Variants in KDM5A observed in about 807,000 individuals in gnomAD.
The protein encoded by KDM5A is lysine-specific demethylase 5A.
In KDM5A, 42 loss-of-function variants were observed where a neutral mutation model predicts 193.5. That is an observed-to-expected ratio of 0.22 (90% confidence interval 0.17 to 0.28). The LOEUF is 0.28. KDM5A is among the 10% of genes least tolerant of loss of function. The pLI, the probability that KDM5A is intolerant of heterozygous loss-of-function variation, is 1.00. For synonymous variants in KDM5A, 796 were observed against 718.1 expected (o/e 1.11, Z -1.73); for missense variants, 1,692 against 2,055.1 (o/e 0.82, Z 3.42).
At chr12:352,181 C>T (rs774146939) in intron 9 of KDM5A, 24 bp downstream of exon 9, 4 of 1,603,540 alleles carry the variant, frequency 2.5e-6, no homozygotes, top group South Asian at 1.1e-5. Context: ...CTCCCCGGAC[C>T]GACCTAAAAG....
chr12:360,661 T>C (rs1428507241), intron 5 of KDM5A, among the ~76,000 whole-genome samples: 1 of 152,202 alleles, frequency 6.6e-6, no homozygotes, highest in Non-Finnish European at 1.5e-5. Flanking sequence ...AGTTAGATTA[T>C]AGAGTATAAA....
At chr12:333,363 G>A in intron 12 of KDM5A, 124 bp downstream of exon 12, 2 of 1,021,642 alleles carry the variant, frequency 2.0e-6, no homozygotes, top group East Asian at 2.6e-5. Context: ...AGGCTGCAAT[G>A]AGCAATCATC....
intron 9 of KDM5A, 113 bp downstream of exon 9, chr12:352,092 A>G (rs1944167077): frequency 1.0e-6 from 1 of 966,348 alleles, no homozygotes; most frequent in African/African-American, 1.9e-5. Context: ...CGACAAAGCA[A>G]GACTCCGTCT....
chr12:377,081 G>A (rs1173897990), intron 3 of KDM5A, among the ~76,000 whole-genome samples: 1 of 152,032 alleles, frequency 6.6e-6, no homozygotes, highest in African/African-American at 2.4e-5. Flanking sequence ...CTAAAATTAG[G>A]GGTGGCAATG....
intron 6 of KDM5A, among the ~76,000 whole-genome samples, chr12:355,909 T>C (rs1326498463): frequency 1.3e-5 from 2 of 152,224 alleles, no homozygotes; most frequent in African/African-American, 2.4e-5. Context: ...ACAGTGGAAC[T>C]TGATCTTTGC....
chr12:305,983 T>TG, intron 24 of KDM5A, among the ~76,000 whole-genome samples: 1 of 148,750 alleles, frequency 6.7e-6, no homozygotes, highest in East Asian at 2.0e-4. Context: ...TTTTTTTTTT[T>TG]TTTTTTTTGA....
chr12:381,985 A>AT (rs1043451026), intron 3 of KDM5A, among the ~76,000 whole-genome samples: 37 of 152,056 alleles, frequency 2.4e-4, no homozygotes, highest in African/African-American at 8.2e-4. Flanking sequence ...TTATTTTTTA[A>AT]TTTTTTGTAG....
intron 3 of KDM5A, among the ~76,000 whole-genome samples, chr12:375,820 T>A (rs896244292): frequency 2.0e-5 from 3 of 152,216 alleles, no homozygotes; most frequent in African/African-American, 7.2e-5. Context: ...CAGCTGCAGG[T>A]CTGTTGGAGT....
rs1018921204 is a variant in KDM5A at position 362,061 on chromosome 12, A to G, written c.672+902T>C. Among the ~76,000 whole-genome samples the G allele has an allele frequency of 2.0e-5, 3 of 152,100 alleles. No homozygotes were observed. The East Asian group carries it at 5.8e-4, about 29-fold the overall frequency. On this transcript the variant is annotated intron_variant, in intron 5 of 27. Transcript: ENST00000399788. ...TTCTCTGACACCCACTTTTGATGCTAATCATTCCCATCTCTATACTACATT... is the reference window on the plus strand; with the variant it reads ...TTCTCTGACACCCACTTTTGATGCTGATCATTCCCATCTCTATACTACATT...
At chr12:334,477 A>C in intron 10 of KDM5A, 55 bp from the exon 11 acceptor site, 2 of 1,467,744 alleles carry the variant, frequency 1.4e-6, no homozygotes, top group Non-Finnish European at 1.9e-6. Context: ...AGTGCTCAAT[A>C]GAAATGCCAA....
chr12:288,038 G>A (rs554416309), intron 27 of KDM5A, among the ~76,000 whole-genome samples: 4 of 152,072 alleles, frequency 2.6e-5, no homozygotes, highest in Non-Finnish European at 5.9e-5. Context: ...CTAGACTACA[G>A]GTTATATAAC....
chr12:307,666 A>T lies in KDM5A; in HGVS notation c.3718T>A (p.Leu1240Met), dbSNP rs1256700634. The change falls in exon 23 of 28, where the codon TTG (leucine) becomes ATG (methionine). Residue 1240 changes from leucine (L) to methionine (M), a missense_variant. Transcript: ENST00000399788. The surrounding 1 kb of genome is among the most constrained non-coding windows in gnomAD (Gnocchi z 4.3). ...CACTGCAGGGCCTCTCCTTCAGGCA[A>T]CCGTACGGGCAACTTCTGAAGGGAT... ...LVSLQKLPVRLPEGEALQCLT... is the reference protein window; with the variant it reads ...LVSLQKLPVRMPEGEALQCLT... The T allele has an allele frequency of 1.2e-6, 2 of 1,614,084 alleles. No homozygotes were observed. Among genetic ancestry groups the T allele is most frequent in the Non-Finnish European group, 1.7e-6 (2 of 1,180,032 alleles).
chr12:327,663 G>A (rs182997779), intron 14 of KDM5A, among the ~76,000 whole-genome samples: 158 of 152,252 alleles, frequency 1.0e-3, no homozygotes, highest in African/African-American at 3.6e-3. Context: ...AGCCAAGATC[G>A]TGCCACTGCA....
intron 5 of KDM5A, among the ~76,000 whole-genome samples, chr12:359,908 G>C (rs918110753): frequency 1.3e-5 from 2 of 152,032 alleles, no homozygotes; most frequent in African/African-American, 4.8e-5. Context: ...CAGATGTATT[G>C]AATTTGGCAT....
At chr12:314,333 G>A (rs748698292) in intron 19 of KDM5A, among the ~76,000 whole-genome samples, 1 of 151,962 alleles carries the variant, frequency 6.6e-6, no homozygotes. Context: ...GTAGCTGGGA[G>A]TACAGGCATG....
chr12:365,614 G>A (rs895586939), intron 4 of KDM5A, among the ~76,000 whole-genome samples: 2 of 152,080 alleles, frequency 1.3e-5, no homozygotes, highest in Admixed American at 6.5e-5. Flanking sequence ...GCTTACCAAC[G>A]GTGCACCCAC....
In KDM5A at chr12:280,701, T is replaced by C. The variant is rs1360466510; in HGVS notation, c.*4755A>G. On this transcript the variant is annotated 3_prime_UTR_variant, in exon 28 of 28. Coordinates refer to ENST00000399788, the MANE Select transcript of KDM5A (RefSeq NM_001042603.3). ...CCAAAGAGAAAGGGAAAGCATTTCC[T>C]TGTTTTCCCTATTAATGGTTTGTTG... The C allele has an allele frequency of 1.3e-5, 3 of 233,108 alleles. No individual in the cohort carries two copies. The East Asian group carries it at 1.8e-4, about 14-fold the overall frequency. The allele number at this position is 233,108 out of a possible 1,614,324, so 14.4% of individuals were successfully genotyped here. A position where few individuals can be genotyped will look rare whatever the true frequency, so the allele number is the denominator to read the frequency against.
chr12:325,811 C>T (rs752778382), intron 14 of KDM5A, among the ~76,000 whole-genome samples: 21 of 152,082 alleles, frequency 1.4e-4, no homozygotes, highest in Non-Finnish European at 2.5e-4. Context: ...GTCAGGAGTT[C>T]GAGATTAGCC....
intron 3 of KDM5A, among the ~76,000 whole-genome samples, chr12:372,814 T>C (rs1230960243): frequency 6.6e-6 from 1 of 152,242 alleles, no homozygotes; most frequent in Non-Finnish European, 1.5e-5. Flanking sequence ...ATTGTTGAAT[T>C]TTGTCAAAGG....
Sources: gnomAD v4.1 joint callset for allele counts (sites outside exome capture counted in the v4.1 genomes callset) on GRCh38, gnomAD v4.1.1 for gene constraint, Gnocchi (gnomAD v3.1) non-coding constraint, MANE v1.5 for transcripts, NCBI Gene and HGNC (gene_info 2026-07-23, HGNC 2026-07-21) for gene names.